The following STAG2 variants were observed in gnomAD, a reference collection of about 807,000 sequenced individuals.
STAG2 encodes the protein cohesin subunit SA-2.
Under a neutral mutation model 108.1 loss-of-function variants are expected in STAG2, and 14 were observed. The observed-to-expected ratio is 0.13, with a 90% CI of 0.09 to 0.20. The LOEUF (loss-of-function observed/expected upper bound fraction) is 0.20. Ranked by LOEUF, STAG2 falls within the 10% of genes least tolerant of loss-of-function variation. The pLI is 1.00. For synonymous variants in STAG2, 307 were observed against 302.7 expected (o/e 1.01, Z -0.15); for missense variants, 440 against 940.9 (o/e 0.47, Z 6.96).
intron 1 of STAG2, among the ~76,000 whole-genome samples, chrX:123,965,862 G>A (rs1466163124): frequency 9.1e-6 from 1 of 109,357 alleles, no homozygotes; most frequent in African/African-American, 3.3e-5. Context: ...AATTAGGTGT[G>A]GTGGTGCACA....
chrX:124,087,691 C>T (rs1041357071), intron 30 of STAG2, among the ~76,000 whole-genome samples: 1 of 112,448 alleles, frequency 8.9e-6, no homozygotes, highest in African/African-American at 3.2e-5. Flanking sequence ...AGCGTAATTT[C>T]TGCCATATTC....
chrX:124,062,633 T>C (rs1166449154), intron 17 of STAG2, among the ~76,000 whole-genome samples: 1 of 111,876 alleles, frequency 8.9e-6, no homozygotes, highest in Non-Finnish European at 1.9e-5. Flanking sequence ...TCCTACCATC[T>C]GAAGGTAGAG....
At chrX:124,080,839 A>T in intron 27 of STAG2, among the ~76,000 whole-genome samples, 1 of 112,197 alleles carries the variant, frequency 8.9e-6, no homozygotes, top group African/African-American at 3.2e-5. Context: ...CCACAATTTA[A>T]CCAAAGTCTC....
At chrX:123,985,403 T>G (rs2055121110) in intron 1 of STAG2, among the ~76,000 whole-genome samples, 1 of 110,407 alleles carries the variant, frequency 9.1e-6, no homozygotes, top group Admixed American at 9.7e-5. Context: ...CTAATATTTT[T>G]TATTTTTTGT....
intron 1 of STAG2, among the ~76,000 whole-genome samples, chrX:123,968,148 C>T (rs1489787374): frequency 9.0e-6 from 1 of 111,722 alleles, no homozygotes; most frequent in Non-Finnish European, 1.9e-5. Context: ...ATCCGCCTGC[C>T]TCAGCCTCCC....
At chrX:124,072,819 G>A (rs957495613) in intron 25 of STAG2, among the ~76,000 whole-genome samples, 6 of 108,169 alleles carry the variant, frequency 5.5e-5, no homozygotes, top group Non-Finnish European at 1.1e-4. Flanking sequence ...TCCTGCCTTA[G>A]CCTCCTGAGT....
chrX:123,987,247 C>T (rs1270135798), intron 1 of STAG2, among the ~76,000 whole-genome samples: 2 of 109,907 alleles, frequency 1.8e-5, no homozygotes, highest in African/African-American at 6.7e-5. Context: ...ACCTCAGCCT[C>T]CCAAAGTGCT....
At chrX:123,968,690 G>A (rs1013111991) in intron 1 of STAG2, among the ~76,000 whole-genome samples, 9 of 111,987 alleles carry the variant, frequency 8.0e-5, no homozygotes, top group African/African-American at 2.6e-4. Context: ...GTTGTACATC[G>A]TTCAAGGGGG....
chrX:124,081,542 A>G lies in STAG2; in HGVS notation c.2924+14A>G. On this transcript the variant is annotated intron_variant, in intron 28 of 34. Coordinates refer to ENST00000371145, the MANE Select transcript of STAG2 (RefSeq NM_001042750.2). ...CATGCTACACAAGTAATCTCCAGAT[A>G]TTTTATTCAGCTCTCATATTTTTTA... 2 of 1,136,090 alleles carry G rather than the reference A, an allele frequency of 1.8e-6. No homozygotes were observed. The highest frequency in any genetic ancestry group is 2.3e-6 in the Non-Finnish European group (2 of 854,072). 93.6% of individuals were successfully genotyped at this position (1,136,090 alleles called of 1,213,427 possible).
chrX:124,099,527 C>T (rs1289492669), intron 34 of STAG2, among the ~76,000 whole-genome samples: 3 of 111,018 alleles, frequency 2.7e-5, no homozygotes, highest in Admixed American at 9.7e-5. Flanking sequence ...TGCACGAGTC[C>T]TCTTTGTTTT....
intron 1 of STAG2, among the ~76,000 whole-genome samples, chrX:123,973,540 CAAA>C (rs35943528): frequency 2.2e-5 from 1 of 46,204 alleles, no homozygotes; most frequent in African/African-American, 9.0e-5. Flanking sequence ...GACTCTGTCT[CAAA>C]AAAAAAAAAA....
At chrX:124,031,298 T>C (rs1404091934) in intron 5 of STAG2, among the ~76,000 whole-genome samples, 173 bp downstream of exon 5, 1 of 112,106 alleles carries the variant, frequency 8.9e-6, no homozygotes, top group Non-Finnish European at 1.9e-5. Flanking sequence ...TATAAGACTT[T>C]TGTGCTGTGT....
chrX:123,972,473 G>C (rs938759613), intron 1 of STAG2, among the ~76,000 whole-genome samples: 35 of 108,168 alleles, frequency 3.2e-4, no homozygotes, highest in Non-Finnish European at 6.1e-4. Flanking sequence ...GGGTTTCACC[G>C]TGTTAGCCAG....
rs141437442 is a variant in STAG2, at chrX:124,089,486, G to A, written c.3278-1089G>A. Among the ~76,000 whole-genome samples, 713 of 111,239 alleles carry A rather than the reference G, an allele frequency of 6.4e-3. 4 individuals are homozygous for A. Among genetic ancestry groups the A allele is most frequent in the African/African-American group, 0.022 (674 of 30,576 alleles). On this transcript the variant is annotated intron_variant, in intron 30 of 34. Coordinates refer to ENST00000371145, the MANE Select transcript of STAG2 (RefSeq NM_001042750.2). ...AGTTGCCTCTTACTACCTGCTCAGT[G>A]GTCTGCATCCCATAGGTTGGGAACC... is the stretch of plus-strand genomic sequence containing the variant.
intron 4 of STAG2, among the ~76,000 whole-genome samples, chrX:124,030,475 A>G (rs1236994232): frequency 8.9e-6 from 1 of 112,189 alleles, no homozygotes. Context: ...TGTAACATTT[A>G]CTGAACTCCT....
intron 23 of STAG2, 115 bp from the exon 24 acceptor site, chrX:124,068,449 A>G (rs904190986): frequency 6.2e-5 from 26 of 418,142 alleles, no homozygotes; most frequent in Non-Finnish European, 7.5e-5. Context: ...AATCAAATGC[A>G]GAAGTAGAGT....
intron 15 of STAG2, among the ~76,000 whole-genome samples, chrX:124,058,392 C>T (rs1261627541): frequency 2.7e-5 from 3 of 111,868 alleles, no homozygotes; most frequent in Non-Finnish European, 5.6e-5. Flanking sequence ...TCAGGTGATC[C>T]GCCTGCCTTG....
At chrX:124,007,105 ATC>A (rs763980138) in intron 1 of STAG2, among the ~76,000 whole-genome samples, 60 of 102,120 alleles carry the variant, frequency 5.9e-4, no homozygotes, top group Admixed American at 5.3e-4. Context: ...GGCTCAAGCG[ATC>A]TCTCTCTCTC....
chrX:124,066,511 G>A, intron 23 of STAG2, 75 bp downstream of exon 23: 1 of 735,225 alleles, frequency 1.4e-6, no homozygotes, highest in Non-Finnish European at 2.1e-6. Context: ...CACATTTAAT[G>A]AGATCAGTTA....
Sources: gnomAD v4.1 joint callset for allele counts (sites outside exome capture counted in the v4.1 genomes callset) on GRCh38, gnomAD v4.1.1 for gene constraint, MANE v1.5 for transcripts, NCBI Gene and HGNC (gene_info 2026-07-23, HGNC 2026-07-21) for gene names.